The following ITGA9 variants were observed in gnomAD, a reference collection of about 807,000 sequenced individuals.
ITGA9 encodes the protein integrin alpha-9.
Under a neutral mutation model 127.8 loss-of-function variants are expected in ITGA9, and 56 were observed. That is an observed-to-expected ratio of 0.44 (90% CI 0.35 to 0.55). ITGA9 has a LOEUF of 0.55. Ranked by LOEUF, ITGA9 falls within the 20% of genes least tolerant of loss-of-function variation. The probability of loss-of-function intolerance (pLI) is 0.00; values close to 1 mark genes in which losing one functional copy is unlikely to be tolerated. For synonymous variants in ITGA9, 508 were observed against 514.5 expected (o/e 0.99, Z 0.17); for missense variants, 1,196 against 1,347.1 (o/e 0.89, Z 1.76).
intron 16 of ITGA9, among the ~76,000 whole-genome samples, chr3:37,631,321 C>T (rs1700228798): frequency 6.6e-6 from 1 of 152,218 alleles, no homozygotes. Flanking sequence ...CTGTCAGTGG[C>T]ACAGATGTGG....
At chr3:37,496,838 C>T (rs1378873573) in intron 5 of ITGA9, among the ~76,000 whole-genome samples, 1 of 152,158 alleles carries the variant, frequency 6.6e-6, no homozygotes, top group African/African-American at 2.4e-5. Context: ...TCACGTGGCT[C>T]CTTGTACACA....
chr3:37,576,520 A>G (rs6419831), intron 15 of ITGA9, among the ~76,000 whole-genome samples: 97,409 of 151,984 alleles, frequency 0.64, 31,571 homozygotes, highest in East Asian at 0.76. Context: ...TCCTGATGGA[A>G]AGGTTGAGGT....
intron 15 of ITGA9, among the ~76,000 whole-genome samples, chr3:37,612,585 A>G (rs1700033728): frequency 6.6e-6 from 1 of 152,256 alleles, no homozygotes; most frequent in Admixed American, 6.5e-5. Flanking sequence ...AGGTTAATAA[A>G]AATAAAGAAG....
At chr3:37,582,509 TAAGAA>T (rs1699719091) in intron 15 of ITGA9, among the ~76,000 whole-genome samples, 1 of 152,224 alleles carries the variant, frequency 6.6e-6, no homozygotes, top group Non-Finnish European at 1.5e-5. Context: ...AATTTCCTCT[TAAGAA>T]AAGGAAGGAG....
At chr3:37,558,675 G>A (rs375003704) in intron 15 of ITGA9, among the ~76,000 whole-genome samples, 1 of 152,210 alleles carries the variant, frequency 6.6e-6, no homozygotes, top group East Asian at 1.9e-4. Context: ...GCCCGGGGCA[G>A]ATGGAGACTC....
rs1579072790 is a variant in ITGA9, at chr3:37,508,465, T to C, written c.829-94T>C. On this transcript the variant is annotated intron_variant, in intron 7 of 27. Coordinates refer to ENST00000264741, the MANE Select transcript of ITGA9 (RefSeq NM_002207.3). ...AGCACATCTGCTGTGCACCTGGCTCTTAAGCTTTTAAATAGGACTCCCAGG... is the reference window on the plus strand; with the variant it reads ...AGCACATCTGCTGTGCACCTGGCTCCTAAGCTTTTAAATAGGACTCCCAGG... 9 of 1,009,516 alleles carry C rather than the reference T, an allele frequency of 8.9e-6. No homozygotes were observed. In the African/African-American group the frequency reaches 1.3e-4, roughly 14 times the overall value. The allele number at this position is 1,009,516 out of a possible 1,614,324, so 62.5% of individuals were successfully genotyped here. A position where few individuals can be genotyped will look rare whatever the true frequency, so the allele number is the denominator to read the frequency against.
At position 37,653,735 on chromosome 3, in the gene ITGA9, C is replaced by T. The variant is rs757894032; in HGVS notation, c.1861C>T (p.Arg621Cys). 9.9e-6 allele frequency: 16 copies of T among 1,613,564 alleles called. No homozygotes were observed. The highest frequency in any genetic ancestry group is 5.5e-5 in the South Asian group (5 of 91,072). The change falls in exon 17 of 28, where the codon CGT becomes TGT. Residue 621 changes from arginine (R) to cysteine (C), a missense_variant. Arg to Cys is a radical substitution (Grantham distance 180, BLOSUM62 -3). Coordinates refer to ENST00000264741, the MANE Select transcript of ITGA9 (RefSeq NM_002207.3). ...ACAGACTGTTTTTGAAAGGAATTGCCGTTCAGAGGACTGTGCCGCAGACCT... is the reference window on the plus strand; with the variant it reads ...ACAGACTGTTTTTGAAAGGAATTGCTGTTCAGAGGACTGTGCCGCAGACCT... The part of the protein sequence containing the change: ...KNQTVFERNC[R>C]SEDCAADLQL...
At chr3:37,562,001 C>A (rs1435116482) in intron 15 of ITGA9, among the ~76,000 whole-genome samples, 1 of 152,172 alleles carries the variant, frequency 6.6e-6, no homozygotes, top group Non-Finnish European at 1.5e-5. Flanking sequence ...GTATAGAATG[C>A]CTGGGAAATG....
intron 15 of ITGA9, among the ~76,000 whole-genome samples, chr3:37,543,451 T>TA (rs1307511769): frequency 1.3e-5 from 2 of 152,242 alleles, no homozygotes; most frequent in Non-Finnish European, 2.9e-5. Flanking sequence ...CAGTAGTCCT[T>TA]ACCTTGAAAG....
At chr3:37,575,697 G>A (rs1018923073) in intron 15 of ITGA9, among the ~76,000 whole-genome samples, 3 of 152,064 alleles carry the variant, frequency 2.0e-5, no homozygotes, top group Non-Finnish European at 4.4e-5. Flanking sequence ...GTTTTGTTGA[G>A]TGCCCAGGTC....
chr3:37,689,969 A>G (rs568239468), intron 18 of ITGA9, among the ~76,000 whole-genome samples: 4 of 152,340 alleles, frequency 2.6e-5, no homozygotes, highest in South Asian at 2.1e-4. Flanking sequence ...GTCAGTAAGC[A>G]ATTAAAGCAC....
At chr3:37,540,594 A>C (rs907249884) in intron 14 of ITGA9, among the ~76,000 whole-genome samples, 9 of 152,202 alleles carry the variant, frequency 5.9e-5, no homozygotes, top group African/African-American at 2.2e-4. Context: ...TCCTAGATTC[A>C]GCTGTTTGAT....
chr3:37,654,695 A>T (rs944828108), intron 17 of ITGA9, among the ~76,000 whole-genome samples: 2 of 151,926 alleles, frequency 1.3e-5, no homozygotes, highest in Non-Finnish European at 2.9e-5. Flanking sequence ...ACACTAGGAC[A>T]TTTTTTTTAT....
intron 16 of ITGA9, among the ~76,000 whole-genome samples, chr3:37,644,820 C>T (rs55971998): frequency 2.0e-5 from 3 of 152,252 alleles, no homozygotes; most frequent in Middle Eastern, 3.4e-3. Context: ...AGAAGGATTC[C>T]TCAGCTTTAA....
intron 18 of ITGA9, among the ~76,000 whole-genome samples, chr3:37,684,224 A>G (rs1700760396): frequency 6.6e-6 from 1 of 152,186 alleles, no homozygotes; most frequent in Non-Finnish European, 1.5e-5. Flanking sequence ...AGAGTGCCAG[A>G]GAAGTGTCTG....
At chr3:37,737,832 C>T (rs1320053901) in intron 20 of ITGA9, among the ~76,000 whole-genome samples, 2 of 152,174 alleles carry the variant, frequency 1.3e-5, no homozygotes, top group African/African-American at 4.8e-5. Flanking sequence ...TACCCTTTAC[C>T]CAGATTCACC....
chr3:37,739,357 G>C (rs756708150), intron 20 of ITGA9, among the ~76,000 whole-genome samples: 15 of 152,184 alleles, frequency 9.9e-5, no homozygotes, highest in Non-Finnish European at 1.8e-4. Context: ...GCACACACCA[G>C]AATATTTCAG....
intron 7 of ITGA9, among the ~76,000 whole-genome samples, chr3:37,506,698 G>A (rs1304526257): frequency 6.6e-6 from 1 of 152,194 alleles, no homozygotes; most frequent in African/African-American, 2.4e-5. Context: ...GGCCTGAATT[G>A]TGAACTACGC....
At chr3:37,586,335 G>C (rs1016801919) in intron 15 of ITGA9, among the ~76,000 whole-genome samples, 1 of 152,138 alleles carries the variant, frequency 6.6e-6, no homozygotes, top group Admixed American at 6.5e-5. Context: ...TTTACCCTAT[G>C]CCTGGATCAT....
Sources: gnomAD v4.1 joint callset for allele counts (sites outside exome capture counted in the v4.1 genomes callset) on GRCh38, gnomAD v4.1.1 for gene constraint, MANE v1.5 for transcripts, NCBI Gene and HGNC (gene_info 2026-07-23, HGNC 2026-07-21) for gene names.